NKAIN2: variants seen among roughly 807,000 people sequenced by gnomAD.
NKAIN2 encodes sodium/potassium-transporting ATPase subunit beta-1-interacting protein 2.
In NKAIN2, 14 loss-of-function variants were observed where a neutral mutation model predicts 32.6. The observed-to-expected ratio is 0.43, with a 90% confidence interval of 0.28 to 0.67. The LOEUF is 0.67. Ranked by LOEUF, NKAIN2 falls within the 30% of genes least tolerant of loss-of-function variation. The pLI, the probability that NKAIN2 is intolerant of heterozygous loss-of-function variation, is 0.17. For missense variants in NKAIN2, 198 were observed against 258.3 expected (o/e 0.77, Z 1.60); for synonymous variants, 80 against 87.2 (o/e 0.92, Z 0.46).
chr6:124,158,041 T>A (rs1482307843), intron 1 of NKAIN2, among the ~76,000 whole-genome samples: 1 of 152,208 alleles, frequency 6.6e-6, no homozygotes, highest in Non-Finnish European at 1.5e-5. Context: ...TTATTGTATA[T>A]TTTTTCTGCT....
intron 3 of NKAIN2, among the ~76,000 whole-genome samples, chr6:124,505,890 C>T (rs184892227): frequency 1.7e-3 from 255 of 152,074 alleles, no homozygotes; most frequent in African/African-American, 6.0e-3. Context: ...GATTGTTTCC[C>T]GGGCCGGGGG....
rs150612394 is a variant in NKAIN2, at chr6:124,442,230, C to T, written c.273+86883C>T. Among the ~76,000 whole-genome samples the T allele has an allele frequency of 1.4e-4, 22 of 152,088 alleles. No individual in the cohort carries two copies. The East Asian group carries it at 3.7e-3, about 25-fold the overall frequency. On this transcript the variant is annotated intron_variant, in intron 3 of 6. Coordinates refer to ENST00000368417, the MANE Select transcript of NKAIN2 (RefSeq NM_001040214.3). The stretch of plus-strand genomic sequence containing the variant: ...TTCTACCTAAGGCCACTTTTATTTC[C>T]AAACAAAGTGGACAACCAGATGCAT...
intron 1 of NKAIN2, among the ~76,000 whole-genome samples, chr6:124,104,359 A>G (rs234468): frequency 0.72 from 108,710 of 152,026 alleles, 39,152 homozygotes; most frequent in African/African-American, 0.8. Flanking sequence ...CTGAGGTGGT[A>G]GTTGATGATG....
chr6:124,360,684 A>G (rs192439789), intron 3 of NKAIN2, among the ~76,000 whole-genome samples: 1 of 152,300 alleles, frequency 6.6e-6, no homozygotes, highest in East Asian at 1.9e-4. Context: ...TATAGTATAA[A>G]ATGATACATA....
intron 4 of NKAIN2, among the ~76,000 whole-genome samples, chr6:124,724,456 C>A (rs576279834): frequency 1.3e-5 from 2 of 152,340 alleles, no homozygotes; most frequent in African/African-American, 4.8e-5. Flanking sequence ...AAAGTGATTT[C>A]TCCTACTACA....
At chr6:124,800,649 C>T (rs535922443) in intron 5 of NKAIN2, among the ~76,000 whole-genome samples, 8 of 152,184 alleles carry the variant, frequency 5.3e-5, no homozygotes, top group South Asian at 2.1e-4. Flanking sequence ...AAACATTTAT[C>T]GGGAAAGGAA....
intron 1 of NKAIN2, among the ~76,000 whole-genome samples, chr6:124,209,224 T>C (rs1189041003): frequency 6.6e-6 from 1 of 151,842 alleles, no homozygotes; most frequent in Non-Finnish European, 1.5e-5. Context: ...ATGTGATACG[T>C]ACCTTTCTCT....
At chr6:124,480,881 C>G (rs1261314934) in intron 3 of NKAIN2, among the ~76,000 whole-genome samples, 3 of 152,052 alleles carry the variant, frequency 2.0e-5, no homozygotes, top group Non-Finnish European at 4.4e-5. Context: ...GCTTTACATT[C>G]CTTTGTGGAA....
chr6:124,462,683 T>G (rs971590266), intron 3 of NKAIN2, among the ~76,000 whole-genome samples: 2 of 152,006 alleles, frequency 1.3e-5, no homozygotes, highest in Admixed American at 1.3e-4. Context: ...TTTAAAGTAT[T>G]TTTTTACTTT....
At chr6:124,189,102 A>T (rs2114579123) in intron 1 of NKAIN2, among the ~76,000 whole-genome samples, 1 of 152,236 alleles carries the variant, frequency 6.6e-6, no homozygotes, top group South Asian at 2.1e-4. Flanking sequence ...CACACCTAGA[A>T]ATTTTTTTGC....
intron 2 of NKAIN2, among the ~76,000 whole-genome samples, chr6:124,294,527 TAAAG>T (rs1795964993): frequency 6.6e-6 from 1 of 152,214 alleles, no homozygotes; most frequent in Non-Finnish European, 1.5e-5. Flanking sequence ...TGACACTGCA[TAAAG>T]AAAGTCTTTG....
At chr6:124,090,437 A>G (rs902891590) in intron 1 of NKAIN2, among the ~76,000 whole-genome samples, 4 of 152,016 alleles carry the variant, frequency 2.6e-5, no homozygotes, top group African/African-American at 9.7e-5. Context: ...TAATGGTCAT[A>G]GGAACTTATA....
At chr6:124,462,681 A>AT (rs984310658) in intron 3 of NKAIN2, among the ~76,000 whole-genome samples, 141 of 152,094 alleles carry the variant, frequency 9.3e-4, no homozygotes, top group Middle Eastern at 3.4e-3. Flanking sequence ...TTTTTAAAGT[A>AT]TTTTTTTACT....
At chr6:123,911,584 G>C (rs1033637301) in intron 1 of NKAIN2, among the ~76,000 whole-genome samples, 4 of 151,842 alleles carry the variant, frequency 2.6e-5, no homozygotes, top group Admixed American at 6.6e-5. Context: ...TTCAAAAAGA[G>C]ACTTGGTAGG....
chr6:124,673,718 AT>A (rs1773216219), intron 4 of NKAIN2, among the ~76,000 whole-genome samples: 1 of 150,592 alleles, frequency 6.6e-6, no homozygotes, highest in African/African-American at 2.4e-5. Context: ...TTCTTTGCCC[AT>A]TTTTTAATTG....
intron 3 of NKAIN2, among the ~76,000 whole-genome samples, chr6:124,394,329 C>T (rs1773268573): frequency 6.6e-6 from 1 of 152,102 alleles, no homozygotes; most frequent in African/African-American, 2.4e-5. Flanking sequence ...AATGTCTTCA[C>T]TCTTTTTCTT....
intron 1 of NKAIN2, among the ~76,000 whole-genome samples, chr6:124,089,095 A>G (rs1382064074): frequency 6.6e-6 from 1 of 152,058 alleles, no homozygotes; most frequent in Non-Finnish European, 1.5e-5. Flanking sequence ...TGGATCTAAG[A>G]TAAAGTCAAT....
At chr6:124,416,019 T>G (rs575030548) in intron 3 of NKAIN2, among the ~76,000 whole-genome samples, 1 of 152,052 alleles carries the variant, frequency 6.6e-6, no homozygotes, top group East Asian at 1.9e-4. Flanking sequence ...TTTTTAAAAT[T>G]TAAGTTTATT....
At chr6:124,080,272 A>T (rs1446850934) in intron 1 of NKAIN2, among the ~76,000 whole-genome samples, 5 of 152,140 alleles carry the variant, frequency 3.3e-5, no homozygotes, top group African/African-American at 1.2e-4. Context: ...TTGCTCAGTT[A>T]TTCAAGATCT....
Sources: allele counts gnomAD v4.1 joint callset (sites outside exome capture counted in the v4.1 genomes callset), GRCh38; gene constraint gnomAD v4.1.1; transcripts MANE v1.5; gene names NCBI Gene and HGNC (gene_info 2026-07-23, HGNC 2026-07-21).